CDH4: variants seen among roughly 807,000 people sequenced by gnomAD.
CDH4 encodes cadherin 4.
CDH4 carries 33 observed loss-of-function variants against 86.0 expected under a neutral mutation model. The observed-to-expected ratio is 0.38, with a 90% CI of 0.29 to 0.51. CDH4 has a LOEUF of 0.51. Among genes scored for constraint, CDH4 ranks in the 20% least tolerant of loss-of-function variants. CDH4 has a pLI of 0.86. For missense variants in CDH4, 1,114 were observed against 1,307.4 expected (o/e 0.85, Z 2.28); for synonymous variants, 555 against 549.4 (o/e 1.01, Z -0.14).
intron 4 of CDH4, among the ~76,000 whole-genome samples, chr20:61,776,532 AT>A (rs1418966772): frequency 6.6e-6 from 1 of 151,808 alleles, no homozygotes; most frequent in Non-Finnish European, 1.5e-5. Context: ...TGCTCCTCAT[AT>A]CCCCTGACTC....
At chr20:61,599,560 C>G (rs2145742491) in intron 2 of CDH4, among the ~76,000 whole-genome samples, 1 of 152,322 alleles carries the variant, frequency 6.6e-6, no homozygotes, top group East Asian at 1.9e-4. Flanking sequence ...CCTAAGCCGG[C>G]CAGCCTCCCA....
intron 14 of CDH4, among the ~76,000 whole-genome samples, 189 bp downstream of exon 14, chr20:61,933,313 G>A (rs1033576310): frequency 1.3e-5 from 2 of 152,196 alleles, no homozygotes; most frequent in Non-Finnish European, 2.9e-5. Context: ...CATCCCCCAC[G>A]GGGGATCCTG....
intron 9 of CDH4, among the ~76,000 whole-genome samples, chr20:61,920,991 TGTCGTG>T (rs2054975041): frequency 1.4e-5 from 2 of 145,978 alleles, no homozygotes; most frequent in Admixed American, 6.8e-5. Context: ...GGAAGTGTGG[TGTCGTG>T]ATTGCATGGA....
At chr20:61,294,126 G>T (rs574873220) in intron 2 of CDH4, among the ~76,000 whole-genome samples, 1 of 152,148 alleles carries the variant, frequency 6.6e-6, no homozygotes, top group Non-Finnish European at 1.5e-5. Context: ...CTCATGGGTG[G>T]TGGTGGCTTC....
At chr20:61,288,829 T>A (rs1439778345) in intron 2 of CDH4, among the ~76,000 whole-genome samples, 1 of 152,140 alleles carries the variant, frequency 6.6e-6, no homozygotes, top group Non-Finnish European at 1.5e-5. Context: ...GGCTTTTATC[T>A]GTGTTGGGAG....
intron 5 of CDH4, among the ~76,000 whole-genome samples, chr20:61,846,760 G>A (rs149343931): frequency 2.6e-5 from 4 of 152,346 alleles, no homozygotes; most frequent in East Asian, 3.9e-4. Flanking sequence ...GTTTCTGTCT[G>A]TTGTTTTTTT....
intron 2 of CDH4, among the ~76,000 whole-genome samples, chr20:61,448,647 C>A (rs536313204): frequency 6.6e-6 from 1 of 152,104 alleles, no homozygotes; most frequent in African/African-American, 2.4e-5. Context: ...TGCATTATCA[C>A]CATTCTGGTG....
At chr20:61,328,401 T>C (rs928752529) in intron 2 of CDH4, among the ~76,000 whole-genome samples, 1 of 152,182 alleles carries the variant, frequency 6.6e-6, no homozygotes, top group Admixed American at 6.5e-5. Flanking sequence ...GGTCTCAATC[T>C]CCTGACCTTG....
intron 2 of CDH4, among the ~76,000 whole-genome samples, chr20:61,265,785 G>A (rs887812409): frequency 2.0e-5 from 3 of 152,202 alleles, no homozygotes; most frequent in Admixed American, 2.0e-4. Flanking sequence ...TGTGGGTCAG[G>A]GAGGTCTATC....
intron 2 of CDH4, among the ~76,000 whole-genome samples, chr20:61,492,009 G>A (rs2085628769): frequency 6.6e-6 from 1 of 151,892 alleles, no homozygotes; most frequent in African/African-American, 2.4e-5. Context: ...TGATGTTGGT[G>A]GTGTCAATAT....
intron 2 of CDH4, among the ~76,000 whole-genome samples, chr20:61,700,386 T>A (rs2087762225): frequency 6.6e-6 from 1 of 152,256 alleles, no homozygotes; most frequent in Non-Finnish European, 1.5e-5. Context: ...ATTCTTGGTC[T>A]GTCCTTGGGC....
In CDH4 at chr20:61,484,181, C is replaced by T. The variant is rs566723800; in HGVS notation, c.169+229244C>T. On this transcript the variant is annotated intron_variant, in intron 2 of 15. Transcript: ENST00000614565. ...ACCATACCTGAGGTCCCAACACCCA[C>T]ACTTACCACATAATATTTTCCCACC... is the stretch of plus-strand genomic sequence containing the variant. Among the ~76,000 whole-genome samples the T allele has an allele frequency of 5.3e-5, 8 of 152,258 alleles. No individual in the cohort carries two copies. In the East Asian group the frequency reaches 1.4e-3, roughly 26 times the overall value.
rs1555809188 is a variant in CDH4 at position 61,565,307 on chromosome 20, T to TTGG, written c.170-178249_170-178247dup. ...TGGGGTGATGGTGGTGGCGGTGCTC[T>TTGG]TGGTGGTGGCGGTGCTCTTGGTGAT... is the stretch of plus-strand genomic sequence containing the variant. On this transcript the variant is annotated intron_variant, in intron 2 of 15. Transcript: ENST00000614565. Among the ~76,000 whole-genome samples the TTGG allele has an allele frequency of 2.6e-4, 11 of 42,558 alleles. 2 individuals are homozygous for TTGG. The highest frequency in any genetic ancestry group is 4.7e-4 in the Non-Finnish European group (10 of 21,122). 27.9% of individuals were successfully genotyped at this position (42,558 alleles called of 152,430 possible). A position where few individuals can be genotyped will look rare whatever the true frequency, so the allele number is the denominator to read the frequency against.
intron 2 of CDH4, among the ~76,000 whole-genome samples, chr20:61,274,701 G>A (rs1416039329): frequency 7.7e-6 from 1 of 130,156 alleles, no homozygotes; most frequent in Non-Finnish European, 1.6e-5. Context: ...AAGTACCATG[G>A]GCAGTTTGGG....
At chr20:61,292,528 T>A (rs973271458) in intron 2 of CDH4, among the ~76,000 whole-genome samples, 1 of 152,144 alleles carries the variant, frequency 6.6e-6, no homozygotes, top group Admixed American at 6.5e-5. Flanking sequence ...TTGTCACAGC[T>A]TGGGGAGGGG....
intron 2 of CDH4, among the ~76,000 whole-genome samples, chr20:61,465,067 A>T (rs1044611634): frequency 6.6e-6 from 1 of 152,330 alleles, no homozygotes; most frequent in East Asian, 1.9e-4. Context: ...CATTTAAAAG[A>T]TGTGTTTGAA....
chr20:61,806,761 T>A lies in CDH4; in HGVS notation c.576+33579T>A, dbSNP rs532911964. Among the ~76,000 whole-genome samples the A allele has an allele frequency of 7.9e-5, 12 of 152,246 alleles. No homozygotes were observed. In the South Asian group the frequency reaches 2.3e-3, roughly 29 times the overall value. ...CTGCCACGGCTGCTGTGAGCAGACA[T>A]CAGGGACATGTTCATCAACATGCAT... On this transcript the variant is annotated intron_variant, in intron 4 of 15. Coordinates refer to ENST00000614565, the MANE Select transcript of CDH4 (RefSeq NM_001794.5).
chr20:61,458,903 GCTC>G (rs934495408), intron 2 of CDH4, among the ~76,000 whole-genome samples: 4 of 151,386 alleles, frequency 2.6e-5, no homozygotes, highest in African/African-American at 9.7e-5. Flanking sequence ...ATGGCTCTCA[GCTC>G]CTCCTGCTTC....
At chr20:61,795,474 C>G (rs1267346537) in intron 4 of CDH4, among the ~76,000 whole-genome samples, 1 of 152,046 alleles carries the variant, frequency 6.6e-6, no homozygotes, top group Non-Finnish European at 1.5e-5. Context: ...ATCATGGTGG[C>G]GTAAATGAGA....
Sources: allele counts gnomAD v4.1 joint callset (sites outside exome capture counted in the v4.1 genomes callset), GRCh38; gene constraint gnomAD v4.1.1; transcripts MANE v1.5; gene names NCBI Gene and HGNC (gene_info 2026-07-23, HGNC 2026-07-21).